The following SEMA5A variants were observed in gnomAD, a reference collection of about 807,000 sequenced individuals.
SEMA5A encodes semaphorin-5A.
In SEMA5A, 55 loss-of-function variants were observed where a neutral mutation model predicts 135.5. The ratio of observed to expected loss-of-function variants is 0.41; its 90% confidence interval spans 0.33 to 0.51. SEMA5A has a LOEUF of 0.51. Ranked by LOEUF, SEMA5A falls within the 20% of genes least tolerant of loss-of-function variation. The pLI is 0.37. For synonymous variants in SEMA5A, 580 were observed against 546.5 expected, an observed-to-expected ratio of 1.06 and a Z score of -0.85; for missense variants, 1,290 against 1,419.9, an observed-to-expected ratio of 0.91 and a Z score of 1.47.
At chr5:9,395,795 A>G (rs534073721) in intron 2 of SEMA5A, among the ~76,000 whole-genome samples, 3 of 152,238 alleles carry the variant, frequency 2.0e-5, no homozygotes, top group Non-Finnish European at 4.4e-5. Context: ...TGCCTTCTCT[A>G]ACATCATATG....
chr5:9,491,223 T>C (rs268470), intron 1 of SEMA5A, among the ~76,000 whole-genome samples: 147,228 of 152,138 alleles, frequency 0.97, 71,498 homozygotes, highest in Non-Finnish European at 0.99. Flanking sequence ...AAAAGATTGG[T>C]GGTTGCCAGG....
intron 16 of SEMA5A, among the ~76,000 whole-genome samples, chr5:9,083,556 A>G (rs972499963): frequency 6.6e-6 from 1 of 151,516 alleles, no homozygotes; most frequent in Admixed American, 6.6e-5. Context: ...ATGATAATCA[A>G]AATATCAGGT....
At chr5:9,360,007 G>T (rs867816161) in intron 3 of SEMA5A, among the ~76,000 whole-genome samples, 6 of 152,154 alleles carry the variant, frequency 3.9e-5, no homozygotes, top group Admixed American at 1.3e-4. Context: ...GAGAAATATA[G>T]ACATGGTTTT....
At chr5:9,357,653 G>T (rs765490075) in intron 3 of SEMA5A, among the ~76,000 whole-genome samples, 3 of 152,196 alleles carry the variant, frequency 2.0e-5, no homozygotes, top group Admixed American at 2.0e-4. Context: ...GGATTAGAGT[G>T]CCAAGAGAGG....
chr5:9,381,808 T>C (rs1327303121), intron 2 of SEMA5A, among the ~76,000 whole-genome samples: 1 of 152,078 alleles, frequency 6.6e-6, no homozygotes, highest in Non-Finnish European at 1.5e-5. Context: ...ATCTGCTACA[T>C]TTGGGGAACA....
chr5:9,216,654 C>T (rs891054486), intron 8 of SEMA5A, among the ~76,000 whole-genome samples: 10 of 152,144 alleles, frequency 6.6e-5, no homozygotes, highest in Non-Finnish European at 1.5e-4. Context: ...ACTTATGAAT[C>T]TGGGTGCTAC....
intron 5 of SEMA5A, among the ~76,000 whole-genome samples, chr5:9,282,293 A>C (rs1204974397): frequency 6.6e-6 from 1 of 152,218 alleles, no homozygotes; most frequent in Non-Finnish European, 1.5e-5. Context: ...AATTTAAAAC[A>C]AATGAAGCAA....
At chr5:9,093,089 A>G (rs561838970) in intron 16 of SEMA5A, among the ~76,000 whole-genome samples, 56 of 152,292 alleles carry the variant, frequency 3.7e-4, no homozygotes, top group African/African-American at 1.1e-3. Context: ...TAAACTTAAA[A>G]TTGAGTTTTT....
chr5:9,288,144 A>G (rs1248243972), intron 5 of SEMA5A, among the ~76,000 whole-genome samples: 1 of 152,242 alleles, frequency 6.6e-6, no homozygotes, highest in African/African-American at 2.4e-5. Flanking sequence ...TTATGAATCA[A>G]GGGTTCTATA....
intron 3 of SEMA5A, among the ~76,000 whole-genome samples, chr5:9,369,847 G>A (rs533891627): frequency 2.0e-5 from 3 of 150,810 alleles, no homozygotes; most frequent in African/African-American, 4.9e-5. Context: ...AAGTTCCATC[G>A]CTGATGGAAC....
chr5:9,410,743 G>A (rs968223189), intron 2 of SEMA5A, among the ~76,000 whole-genome samples: 4 of 151,814 alleles, frequency 2.6e-5, no homozygotes, highest in Admixed American at 6.6e-5. Flanking sequence ...CTTAGAGAGC[G>A]GGTCAATAGG....
intron 1 of SEMA5A, among the ~76,000 whole-genome samples, chr5:9,444,950 C>T (rs900951304): frequency 6.6e-6 from 1 of 152,234 alleles, no homozygotes; most frequent in Non-Finnish European, 1.5e-5. Flanking sequence ...AGGGACAGCA[C>T]TGATGCAAAC....
rs79498186 is a variant in SEMA5A, at chr5:9,340,915, A to G, written c.125-3103T>C. ...TCCCAACTTTCCCAACAGATCAGAGAAAAGGCACTCAATCCTCTTTTCAAA... is the reference window on the plus strand; with the variant it reads ...TCCCAACTTTCCCAACAGATCAGAGGAAAGGCACTCAATCCTCTTTTCAAA... On this transcript the variant is annotated intron_variant, in intron 3 of 22. Transcript: ENST00000382496. Among the ~76,000 whole-genome samples, 1,250 of 152,232 alleles carry G rather than the reference A, an allele frequency of 8.2e-3. 13 individuals carry two copies. Among genetic ancestry groups the G allele is most frequent in the African/African-American group, 0.026 (1,093 of 41,526 alleles).
At chr5:9,088,237 G>T (rs566557224) in intron 16 of SEMA5A, among the ~76,000 whole-genome samples, 14 of 149,992 alleles carry the variant, frequency 9.3e-5, no homozygotes, top group Non-Finnish European at 1.8e-4. Context: ...CCAGGAGGCA[G>T]AGGTTGCAGT....
rs1736759986 is a variant in SEMA5A at position 9,054,194 on chromosome 5, T to G, written c.2582A>C (p.His861Pro). 2 of 1,613,920 alleles carry G rather than the reference T, an allele frequency of 1.2e-6. No homozygotes were observed. The highest frequency in any genetic ancestry group is 2.2e-5 in the East Asian group (1 of 44,846). The change falls in exon 19 of 23, where the codon CAC (histidine) becomes CCC (proline). Residue 861 changes from histidine (H) to proline (P), a missense_variant. Coordinates refer to ENST00000382496, the MANE Select transcript of SEMA5A (RefSeq NM_003966.3). Reference sequence around the variant, plus strand: ...GGAGCAAGAGCGGGTCCTCATATAGTGTCCACCGCCGCATGTTGCTGAACA... The same window carrying G: ...GGAGCAAGAGCGGGTCCTCATATAGGGTCCACCGCCGCATGTTGCTGAACA... ...TKCSATCGGG[H>P]YMRTRSCSNP...
At position 9,190,415 on chromosome 5, in the gene SEMA5A, A is replaced by G; in HGVS notation, c.1125T>C (p.Asp375=). 1 of 1,613,984 alleles carries G rather than the reference A, an allele frequency of 6.2e-7. No individual in the cohort carries two copies. ...YVNLTERNLQ[D]AQKFILMHEV... is the part of the protein sequence containing the mutation. ...CATGCATCAGAATGAACTTCTGAGC[A>G]TCCTGCAGATTTCTCTCGGTCAGGT... The change falls in exon 11 of 23, where the codon GAT becomes GAC. Residue 375 remains aspartate (D), a synonymous_variant. Transcript: ENST00000382496.
chr5:9,224,959 C>A (rs1220138180), intron 7 of SEMA5A, 72 bp from the exon 8 acceptor site: 5 of 1,383,920 alleles, frequency 3.6e-6, no homozygotes, highest in Non-Finnish European at 5.0e-6. Flanking sequence ...TGGTCACACC[C>A]ACCATCATCA....
chr5:9,099,684 G>A (rs539649076), intron 16 of SEMA5A, among the ~76,000 whole-genome samples: 1 of 152,278 alleles, frequency 6.6e-6, no homozygotes, highest in South Asian at 2.1e-4. Context: ...TCCACAAAGG[G>A]GAGGGGAAAT....
chr5:9,317,745 G>T (rs1018841704), intron 5 of SEMA5A, among the ~76,000 whole-genome samples: 17 of 152,122 alleles, frequency 1.1e-4, no homozygotes, highest in African/African-American at 3.4e-4. Context: ...GAAGATATTT[G>T]TGTCTTAACT....
Sources: gnomAD v4.1 joint callset for allele counts (sites outside exome capture counted in the v4.1 genomes callset) on GRCh38, gnomAD v4.1.1 for gene constraint, MANE v1.5 for transcripts, NCBI Gene and HGNC (gene_info 2026-07-23, HGNC 2026-07-21) for gene names.